Variants in SNRPD3 observed in about 807,000 individuals in gnomAD.
The protein encoded by SNRPD3 is small nuclear ribonucleoprotein Sm D3.
For synonymous variants in SNRPD3, 66 were observed against 58.4 expected (o/e 1.13, Z -0.59); for missense variants, 73 against 167.5 (o/e 0.44, Z 3.11).
intron 2 of SNRPD3, among the ~76,000 whole-genome samples, chr22:24,565,490 G>A (rs1332047342): frequency 2.0e-5 from 3 of 152,132 alleles, no homozygotes; most frequent in African/African-American, 4.8e-5. Flanking sequence ...TCAAAACTCA[G>A]CTTTGTAGTT....
intron 2 of SNRPD3, among the ~76,000 whole-genome samples, chr22:24,564,331 C>G (rs1337258330): frequency 6.6e-6 from 1 of 152,168 alleles, no homozygotes; most frequent in Non-Finnish European, 1.5e-5. Flanking sequence ...CTCTCTCTCC[C>G]CCTCAGGATG....
At chr22:24,561,741 T>C (rs892207097) in intron 2 of SNRPD3, among the ~76,000 whole-genome samples, 7 of 152,164 alleles carry the variant, frequency 4.6e-5, no homozygotes, top group Non-Finnish European at 1.0e-4. Context: ...TGGTGGCTAC[T>C]CCTATAATCC....
intron 2 of SNRPD3, among the ~76,000 whole-genome samples, chr22:24,563,727 T>G (rs2147124284): frequency 7.5e-6 from 1 of 133,818 alleles, no homozygotes; most frequent in East Asian, 2.2e-4. Context: ...GACATTGTGC[T>G]TTTGGGGCTT....
rs569872687 is a variant in SNRPD3, at chr22:24,574,369, C to T, written c.*2392C>T. Among the ~76,000 whole-genome samples, 18 of 152,246 alleles carry T rather than the reference C, an allele frequency of 1.2e-4. No individual in the cohort carries two copies. Among genetic ancestry groups the T allele is most frequent in the East Asian group, 1.2e-3 (6 of 5,190 alleles). On this transcript the variant is annotated 3_prime_UTR_variant, in exon 4 of 4. Coordinates refer to ENST00000215829, the MANE Select transcript of SNRPD3 (RefSeq NM_004175.5). ...CATCTTAGGGGGGAAAATCAGTTGACGCAGATTGAAAACAAGTTGTTCCAT... is the reference window on the plus strand; with the variant it reads ...CATCTTAGGGGGGAAAATCAGTTGATGCAGATTGAAAACAAGTTGTTCCAT...
chr22:24,571,800 G>A (rs985669296), intron 3 of SNRPD3, 116 bp from the exon 4 acceptor site: 14 of 940,860 alleles, frequency 1.5e-5, no homozygotes, highest in Middle Eastern at 2.2e-4. Flanking sequence ...GGGTGGTGTT[G>A]GACCAGGTAA....
intron 2 of SNRPD3, among the ~76,000 whole-genome samples, chr22:24,564,478 T>C (rs559943394): frequency 3.3e-4 from 50 of 152,356 alleles, no homozygotes; most frequent in African/African-American, 1.2e-3. Context: ...GGGCTTGTGA[T>C]ACAAACACAG....
rs1164452187 is a variant in SNRPD3, at chr22:24,573,055, T to C, written c.*1078T>C. 1.3e-5 allele frequency among the ~76,000 whole-genome samples: 2 copies of C among 151,942 alleles called. No homozygotes were observed. The highest frequency in any genetic ancestry group is 6.6e-5 in the Admixed American group (1 of 15,248). On this transcript the variant is annotated 3_prime_UTR_variant, in exon 4 of 4. Coordinates refer to ENST00000215829, the MANE Select transcript of SNRPD3 (RefSeq NM_004175.5). ...CTGTCTCTACAAAAAATTCTAAAAATTAACTTGGCATGGTGGTGCACACCT... is the reference window on the plus strand; with the variant it reads ...CTGTCTCTACAAAAAATTCTAAAAACTAACTTGGCATGGTGGTGCACACCT...
chr22:24,560,076 TATG>T, intron 2 of SNRPD3, among the ~76,000 whole-genome samples: 1 of 150,772 alleles, frequency 6.6e-6, no homozygotes, highest in Admixed American at 6.8e-5. Context: ...TTAACATAAT[TATG>T]TTTATAAAGA....
At chr22:24,559,372 G>T (rs946341124) in intron 2 of SNRPD3, among the ~76,000 whole-genome samples, 4 of 152,166 alleles carry the variant, frequency 2.6e-5, no homozygotes, top group African/African-American at 9.7e-5. Context: ...CTGGCTTAAG[G>T]CATGCTCATC....
intron 2 of SNRPD3, among the ~76,000 whole-genome samples, chr22:24,562,169 A>G (rs1318364125): frequency 1.3e-5 from 2 of 152,262 alleles, no homozygotes; most frequent in South Asian, 2.1e-4. Context: ...TTGGGGTTTT[A>G]GTATTTACTT....
chr22:24,571,591 T>C (rs2045249947), intron 3 of SNRPD3, among the ~76,000 whole-genome samples: 1 of 151,972 alleles, frequency 6.6e-6, no homozygotes, highest in African/African-American at 2.4e-5. Flanking sequence ...ATACAGGAAA[T>C]TAGCCGGGCG....
intron 1 of SNRPD3, among the ~76,000 whole-genome samples, chr22:24,557,353 T>C (rs1301948697): frequency 6.6e-6 from 1 of 152,204 alleles, no homozygotes; most frequent in Non-Finnish European, 1.5e-5. Context: ...AATGGTCCTT[T>C]AGCTGAAGAT....
intron 2 of SNRPD3, among the ~76,000 whole-genome samples, chr22:24,561,041 T>TTTTTTC (rs1368525870): frequency 6.8e-6 from 1 of 148,064 alleles, no homozygotes; most frequent in African/African-American, 2.6e-5. Context: ...ACCCAGCCTT[T>TTTTTTC]TTTTTCTTTT....
chr22:24,566,137 G>C (rs1323750487), intron 2 of SNRPD3, among the ~76,000 whole-genome samples: 1 of 152,172 alleles, frequency 6.6e-6, no homozygotes, highest in Non-Finnish European at 1.5e-5. Flanking sequence ...TGGGAGTGAG[G>C]AGCCTGGAGC....
At chr22:24,571,130 T>G (rs577166175) in intron 3 of SNRPD3, among the ~76,000 whole-genome samples, 2 of 152,154 alleles carry the variant, frequency 1.3e-5, no homozygotes, top group Non-Finnish European at 2.9e-5. Context: ...GAAATAATTA[T>G]TTTCTCAGAA....
chr22:24,557,437 C>A (rs1019268197), intron 1 of SNRPD3, among the ~76,000 whole-genome samples: 12 of 152,142 alleles, frequency 7.9e-5, no homozygotes, highest in Admixed American at 3.9e-4. Flanking sequence ...TTACTTCTGT[C>A]CATCCCATCA....
intron 2 of SNRPD3, among the ~76,000 whole-genome samples, chr22:24,565,450 A>G (rs1474939298): frequency 6.6e-6 from 1 of 152,206 alleles, no homozygotes; most frequent in Non-Finnish European, 1.5e-5. Context: ...ATAAGTGCTC[A>G]GTAACTGTTG....
intron 3 of SNRPD3, among the ~76,000 whole-genome samples, chr22:24,569,692 A>G (rs1248291773): frequency 1.3e-5 from 2 of 152,170 alleles, no homozygotes; most frequent in East Asian, 1.9e-4. Context: ...GAACATCTGA[A>G]TGGCTTCAAG....
chr22:24,574,297 G>T lies in SNRPD3; in HGVS notation c.*2320G>T, dbSNP rs2045271621. ...CCCTACCTAGATCTGAAAAGTGAAGGGGGATCAACCTAAAATATGTAGCTT... is the reference window on the plus strand; with the variant it reads ...CCCTACCTAGATCTGAAAAGTGAAGTGGGATCAACCTAAAATATGTAGCTT... On this transcript the variant is annotated 3_prime_UTR_variant, in exon 4 of 4. Coordinates refer to ENST00000215829, the MANE Select transcript of SNRPD3 (RefSeq NM_004175.5). Among the ~76,000 whole-genome samples the T allele has an allele frequency of 1.3e-5, 2 of 152,130 alleles. No homozygotes were observed. The highest frequency in any genetic ancestry group is 6.6e-5 in the Admixed American group (1 of 15,266).
Sources: gnomAD v4.1 joint callset for allele counts (sites outside exome capture counted in the v4.1 genomes callset) on GRCh38, gnomAD v4.1.1 for gene constraint, MANE v1.5 for transcripts, NCBI Gene and HGNC (gene_info 2026-07-23, HGNC 2026-07-21) for gene names.